The following PDAP1 variants were observed in gnomAD, a reference collection of about 807,000 sequenced individuals.
The protein encoded by PDAP1 is PDGFA associated protein 1.
In PDAP1, 13 loss-of-function variants were observed where a neutral mutation model predicts 28.0. The ratio of observed to expected loss-of-function variants is 0.46; its 90% CI spans 0.30 to 0.74. PDAP1 has a LOEUF of 0.74. Among genes scored for constraint, PDAP1 ranks in the 30% least tolerant of loss-of-function variants. PDAP1 has a pLI of 0.07. For missense variants in PDAP1, 150 were observed against 230.0 expected (o/e 0.65, Z 2.25); for synonymous variants, 77 against 85.1 (o/e 0.91, Z 0.52).
rs28558950 is a variant in PDAP1, at chr7:99,395,731, C to T, written c.*951G>A. ...GGCCAGGATCCTGGTGCTGCTTCAG[C>T]CTACTGTGGCCTGGAAGGGTCCCTG... is the stretch of plus-strand genomic sequence containing the variant. On this transcript the variant is annotated 3_prime_UTR_variant, in exon 6 of 6. Transcript: ENST00000350498. 11,246 of 152,300 alleles carry T rather than the reference C, an allele frequency of 0.074. 605 individuals carry two copies. Among genetic ancestry groups the T allele is most frequent in the African/African-American group, 0.15 (6,279 of 41,522 alleles). 9.4% of individuals were successfully genotyped at this position (152,300 alleles called of 1,614,324 possible). A position where few individuals can be genotyped will look rare whatever the true frequency, so the allele number is the denominator to read the frequency against.
chr7:99,402,866 G>A (rs1211714578), intron 3 of PDAP1, among the ~76,000 whole-genome samples: 8 of 127,406 alleles, frequency 6.3e-5, no homozygotes, highest in Non-Finnish European at 1.1e-4. Flanking sequence ...GTGACAAAGC[G>A]ACACTTCATC....
At chr7:99,402,458 T>G (rs1169325945) in intron 3 of PDAP1, among the ~76,000 whole-genome samples, 2 of 149,138 alleles carry the variant, frequency 1.3e-5, no homozygotes, top group Admixed American at 6.7e-5. Context: ...ATTTAAAAAT[T>G]AGGTAGATGT....
Position 99,395,231 on chromosome 7 carries a change from C to T in PDAP1, c.*1451G>A, listed in dbSNP as rs1045867895. ...GTTGTGCGTTCTCAGCTCACTGCCA[C>T]CTCTGCCTTCCTGGGATCAAGCGAT... On this transcript the variant is annotated 3_prime_UTR_variant, in exon 6 of 6. Transcript: ENST00000350498. 1 of 151,784 alleles carries T rather than the reference C, an allele frequency of 6.6e-6. No individual in the cohort carries two copies. Among genetic ancestry groups the T allele is most frequent in the Non-Finnish European group, 1.5e-5 (1 of 67,994 alleles). 9.4% of individuals were successfully genotyped at this position (151,784 alleles called of 1,614,324 possible). A position where few individuals can be genotyped will look rare whatever the true frequency, so the allele number is the denominator to read the frequency against.
intron 3 of PDAP1, among the ~76,000 whole-genome samples, chr7:99,402,391 A>G (rs1246520153): frequency 6.6e-6 from 1 of 151,614 alleles, no homozygotes; most frequent in African/African-American, 2.4e-5. Flanking sequence ...GGATTACTTG[A>G]GCCCAGGAGT....
At chr7:99,406,734 C>A in intron 1 of PDAP1, 2 of 456,780 alleles carry the variant, frequency 4.4e-6, no homozygotes, top group Non-Finnish European at 5.8e-6. Context: ...TCTCTGTGAG[C>A]AGAGACTCTG....
At position 99,408,575 on chromosome 7, in the gene PDAP1, C is replaced by T. The variant is rs1470408207; in HGVS notation, c.-27G>A. 1.6e-6 allele frequency: 2 copies of T among 1,219,010 alleles called. No individual in the cohort carries two copies. The highest frequency in any genetic ancestry group is 2.0e-6 in the Non-Finnish European group (2 of 976,468). The allele number at this position is 1,219,010 out of a possible 1,614,324, so 75.5% of individuals were successfully genotyped here. A position where few individuals can be genotyped will look rare whatever the true frequency, so the allele number is the denominator to read the frequency against. On this transcript the variant is annotated 5_prime_UTR_variant, in exon 1 of 6. Transcript: ENST00000350498. The stretch of plus-strand genomic sequence containing the variant: ...GCGGCTCCGGCGGCTGCGGCGGCGG[C>T]GGCGGCGCCTCGAACTGACACCGGA...
chr7:99,401,872 T>C (rs1203357484), intron 3 of PDAP1, among the ~76,000 whole-genome samples: 2 of 151,818 alleles, frequency 1.3e-5, no homozygotes, highest in East Asian at 3.9e-4. Context: ...AATTTTTGTA[T>C]TTTTAGTAGA....
chr7:99,396,503 TCCC>T lies in PDAP1; in HGVS notation c.*176_*178del, dbSNP rs113663373. 9.1e-6 allele frequency: 3 copies of T among 330,802 alleles called. No homozygotes were observed. Among genetic ancestry groups the T allele is most frequent in the East Asian group, 1.7e-4 (2 of 12,066 alleles). The allele number at this position is 330,802 out of a possible 1,614,324, so 20.5% of individuals were successfully genotyped here. A position where few individuals can be genotyped will look rare whatever the true frequency, so the allele number is the denominator to read the frequency against. On this transcript the variant is annotated 3_prime_UTR_variant, in exon 6 of 6. Transcript: ENST00000350498. ...AAGATAGCAGCTACCCCTCCCCCAG[TCCC>T]CCCCCCCATCCCCCAAACAATTTCT...
chr7:99,407,701 G>A (rs1382393367), intron 1 of PDAP1, among the ~76,000 whole-genome samples: 1 of 152,136 alleles, frequency 6.6e-6, no homozygotes, highest in African/African-American at 2.4e-5. Context: ...AGGTTAACTT[G>A]TTCAGGGCCA....
chr7:99,404,774 G>T, intron 2 of PDAP1, 88 bp downstream of exon 2: 1 of 996,972 alleles, frequency 1.0e-6, no homozygotes, highest in Admixed American at 2.0e-5. Context: ...CCCTGCGAAT[G>T]GGTAGTCCTT....
At chr7:99,406,255 TAAAA>T (rs1401762540) in intron 1 of PDAP1, among the ~76,000 whole-genome samples, 1 of 151,526 alleles carries the variant, frequency 6.6e-6, no homozygotes, top group Non-Finnish European at 1.5e-5. Flanking sequence ...CTCAAAAAAA[TAAAA>T]AAATCGCTGT....
Position 99,394,793 on chromosome 7 carries a change from A to T in PDAP1, c.*1889T>A. 8.1e-7 allele frequency: 1 copy of T among 1,234,352 alleles called. No homozygotes were observed. Among genetic ancestry groups the T allele is most frequent in the African/African-American group, 1.6e-5 (1 of 64,252 alleles). 76.5% of individuals were successfully genotyped at this position (1,234,352 alleles called of 1,614,324 possible). On this transcript the variant is annotated 3_prime_UTR_variant, in exon 6 of 6. Coordinates refer to ENST00000350498, the MANE Select transcript of PDAP1 (RefSeq NM_014891.7). ...ATGCAACTGTGTAAAAAAAAAAAAA[A>T]AAAAAAAAGTAATTATGGACATGCT...
chr7:99,401,288 C>T (rs954951949), intron 3 of PDAP1, among the ~76,000 whole-genome samples: 2 of 152,138 alleles, frequency 1.3e-5, no homozygotes, highest in African/African-American at 4.8e-5. Context: ...TAAATTTGTC[C>T]ACTCTTCTCC....
chr7:99,401,994 G>A (rs931913507), intron 3 of PDAP1, among the ~76,000 whole-genome samples: 21 of 152,056 alleles, frequency 1.4e-4, no homozygotes, highest in African/African-American at 5.1e-4. Context: ...TGGAGGCTGG[G>A]CGCAGTGGCT....
chr7:99,399,526 G>T (rs528970520), intron 4 of PDAP1, among the ~76,000 whole-genome samples: 5 of 152,174 alleles, frequency 3.3e-5, no homozygotes, highest in Non-Finnish European at 7.3e-5. Context: ...CACAGTGGCA[G>T]AACACCCAGG....
intron 2 of PDAP1, among the ~76,000 whole-genome samples, 164 bp downstream of exon 2, chr7:99,404,698 T>G (rs1794937236): frequency 6.6e-6 from 1 of 152,144 alleles, no homozygotes; most frequent in Admixed American, 6.5e-5. Flanking sequence ...GCCCTGACTG[T>G]CATTGGTTGT....
Position 99,404,609 on chromosome 7 carries a change from C to A in PDAP1, c.105+253G>T, listed in dbSNP as rs1335100981. Among the ~76,000 whole-genome samples the A allele has an allele frequency of 3.9e-5, 6 of 152,112 alleles. No individual in the cohort carries two copies. In the East Asian group the frequency reaches 9.7e-4, roughly 24 times the overall value. ...CCTCCTGAAAGTAGGTGCACAAGAC[C>A]AAGAACAGGGCCCCACTAAAGCAGC... On this transcript the variant is annotated intron_variant, in intron 2 of 5. Transcript: ENST00000350498.
Position 99,396,532 on chromosome 7 carries a change from G to C in PDAP1, c.*150C>G. Reference sequence around the variant, plus strand: ...CCCCCCCATCCCCCAAACAATTTCTGTGCCAAGATGAAGAGGAGGCCCCAG... The same window carrying C: ...CCCCCCCATCCCCCAAACAATTTCTCTGCCAAGATGAAGAGGAGGCCCCAG... On this transcript the variant is annotated 3_prime_UTR_variant, in exon 6 of 6. Coordinates refer to ENST00000350498, the MANE Select transcript of PDAP1 (RefSeq NM_014891.7). 2.6e-6 allele frequency: 1 copy of C among 386,222 alleles called. No individual in the cohort carries two copies. The highest frequency in any genetic ancestry group is 5.3e-6 in the Non-Finnish European group (1 of 188,306). 23.9% of individuals were successfully genotyped at this position (386,222 alleles called of 1,614,324 possible).
In PDAP1 at chr7:99,396,342, A is replaced by C; in HGVS notation, c.*340T>G. The stretch of plus-strand genomic sequence containing the variant: ...TGGGACAACCACCCCCTTACATGCT[A>C]TCTATCTACCAGACAAATGAAAGCT... On this transcript the variant is annotated 3_prime_UTR_variant, in exon 6 of 6. Coordinates refer to ENST00000350498, the MANE Select transcript of PDAP1 (RefSeq NM_014891.7). 5.4e-6 allele frequency: 2 copies of C among 367,852 alleles called. No individual in the cohort carries two copies. Among genetic ancestry groups the C allele is most frequent in the Non-Finnish European group, 1.0e-5 (2 of 193,478 alleles). 22.8% of individuals were successfully genotyped at this position (367,852 alleles called of 1,614,324 possible). A position where few individuals can be genotyped will look rare whatever the true frequency, so the allele number is the denominator to read the frequency against.
Sources: gnomAD v4.1 joint callset for allele counts (sites outside exome capture counted in the v4.1 genomes callset) on GRCh38, gnomAD v4.1.1 for gene constraint, MANE v1.5 for transcripts, NCBI Gene and HGNC (gene_info 2026-07-23, HGNC 2026-07-21) for gene names.